The following COLEC10 variants were observed in gnomAD, a reference collection of about 807,000 sequenced individuals.
COLEC10 encodes collectin subfamily member 10.
A neutral mutation model predicts 28.4 loss-of-function variants in COLEC10; 22 were observed. That is an observed-to-expected ratio of 0.78 (90% CI 0.55 to 1.11). The LOEUF (loss-of-function observed/expected upper bound fraction) is 1.11, where lower values mean the gene tolerates loss of function less well. Ranked by LOEUF, COLEC10 falls within the 50% of genes least tolerant of loss-of-function variation. The probability of loss-of-function intolerance (pLI) is 0.00; values close to 1 mark genes in which losing one functional copy is unlikely to be tolerated. For synonymous variants in COLEC10, 125 were observed against 116.1 expected, an observed-to-expected ratio of 1.08 and a Z score of -0.49; for missense variants, 361 against 344.1, an observed-to-expected ratio of 1.05 and a Z score of -0.39.
At chr8:119,065,855 CA>C (rs3083298), upstream of COLEC10, among the ~76,000 whole-genome samples, 74 of 137,472 alleles carry the variant, frequency 5.4e-4, no homozygotes, top group Admixed American at 5.1e-4. Flanking sequence ...GACTCCATCT[CA>C]AAAAAAAAAA....
rs1046998346 is a variant in COLEC10, at chr8:119,057,860, A to T, written n.236-31820A>T. The stretch of plus-strand genomic sequence containing the variant: ...AGAACTTGCCTCCAGCTCCATTAGG[A>T]CCAGAAAAGGATATTGATTTCTTAA... On this transcript the variant is annotated intron_variant and non_coding_transcript_variant, in intron 2 of 6. Coordinates refer to the COLEC10 transcript ENST00000521788. 2.0e-5 allele frequency among the ~76,000 whole-genome samples: 3 copies of T among 152,188 alleles called. No individual in the cohort carries two copies. The East Asian group carries it at 5.8e-4, about 29-fold the overall frequency.
At chr8:119,093,728 T>A (rs1009741608) in intron 3 of COLEC10, among the ~76,000 whole-genome samples, 3 of 152,192 alleles carry the variant, frequency 2.0e-5, no homozygotes, top group Non-Finnish European at 4.4e-5. Flanking sequence ...TCCCCATGAA[T>A]TTTTAATACC....
chr8:118,981,921 T>C, the COLEC10 span, among the ~76,000 whole-genome samples: 1 of 152,110 alleles, frequency 6.6e-6, no homozygotes, highest in Non-Finnish European at 1.5e-5. Context: ...ATGAAGGGTT[T>C]GTGCCAGCTG....
At chr8:118,998,208 G>C (rs1394097585) in intron 1 of COLEC10, among the ~76,000 whole-genome samples, 1 of 151,992 alleles carries the variant, frequency 6.6e-6, no homozygotes, top group African/African-American at 2.4e-5. Flanking sequence ...AAATTGGTGT[G>C]AATTTAGAAG....
At chr8:119,086,790 T>C (rs905110986) in intron 1 of COLEC10, among the ~76,000 whole-genome samples, 1 of 152,204 alleles carries the variant, frequency 6.6e-6, no homozygotes, top group African/African-American at 2.4e-5. Context: ...TATATGCTTG[T>C]TTTTATCTTG....
At chr8:119,019,722 C>T (rs1814059395) in intron 2 of COLEC10, among the ~76,000 whole-genome samples, 2 of 152,116 alleles carry the variant, frequency 1.3e-5, no homozygotes, top group South Asian at 2.1e-4. Flanking sequence ...AATGCATGCC[C>T]TTCTCACGAC....
At chr8:119,078,214 C>A (rs918999925) in intron 1 of COLEC10, among the ~76,000 whole-genome samples, 1 of 152,188 alleles carries the variant, frequency 6.6e-6, no homozygotes, top group Admixed American at 6.5e-5. Flanking sequence ...CATCTGCTAA[C>A]CTAATTTTAA....
At chr8:119,021,422 C>T (rs1301806601) in intron 2 of COLEC10, among the ~76,000 whole-genome samples, 2 of 152,160 alleles carry the variant, frequency 1.3e-5, no homozygotes, top group Non-Finnish European at 2.9e-5. Flanking sequence ...AAGACAGGGA[C>T]TGTCTCATGC....
intron 1 of COLEC10, among the ~76,000 whole-genome samples, chr8:119,001,914 G>A (rs1813709322): frequency 6.6e-6 from 1 of 152,128 alleles, no homozygotes; most frequent in Admixed American, 6.6e-5. Context: ...CTGACTAGCT[G>A]AGCTTTGGCA....
chr8:119,096,704 C>T (rs1815725745), intron 3 of COLEC10, among the ~76,000 whole-genome samples: 2 of 152,038 alleles, frequency 1.3e-5, no homozygotes, highest in African/African-American at 4.8e-5. Context: ...CAATAAAGGG[C>T]TTACATGTAA....
At chr8:118,955,784 A>T in the COLEC10 span, among the ~76,000 whole-genome samples, 1 of 152,186 alleles carries the variant, frequency 6.6e-6, no homozygotes, top group East Asian at 1.9e-4. Context: ...GAAATATTCC[A>T]GTACGGTTGC....
intron 2 of COLEC10, among the ~76,000 whole-genome samples, chr8:119,019,905 T>A (rs754968020): frequency 2.6e-5 from 4 of 152,198 alleles, no homozygotes; most frequent in African/African-American, 4.8e-5. Context: ...TCTGGCTTCA[T>A]GAAAGTAACA....
intron 2 of COLEC10, among the ~76,000 whole-genome samples, chr8:119,012,816 C>G (rs1164124549): frequency 1.3e-5 from 2 of 150,084 alleles, no homozygotes; most frequent in Non-Finnish European, 3.0e-5. Flanking sequence ...AGTGATGTTC[C>G]TTTTTCATTT....
chr8:119,000,972 G>T (rs1347200098), intron 1 of COLEC10, among the ~76,000 whole-genome samples: 1 of 152,142 alleles, frequency 6.6e-6, no homozygotes, highest in Admixed American at 6.5e-5. Flanking sequence ...TCACTTAGGA[G>T]AAAAGGTATT....
rs142074258 is a variant in COLEC10, at chr8:119,093,386, T to C, written c.292+2166T>C. Among the ~76,000 whole-genome samples the C allele has an allele frequency of 2.0e-5, 3 of 152,262 alleles. No homozygotes were observed. The East Asian group carries it at 5.8e-4, about 29-fold the overall frequency. On this transcript the variant is annotated intron_variant, in intron 3 of 5. Transcript: ENST00000332843. Reference sequence around the variant, plus strand: ...GCCACTGAAGAGAAATTGCTATGGGTGTCTCAGATCTGGTGGGTTATATTG... The same window carrying C: ...GCCACTGAAGAGAAATTGCTATGGGCGTCTCAGATCTGGTGGGTTATATTG...
intron 1 of COLEC10, among the ~76,000 whole-genome samples, chr8:119,075,059 G>A (rs1481347814): frequency 6.6e-6 from 1 of 152,168 alleles, no homozygotes; most frequent in Non-Finnish European, 1.5e-5. Context: ...ATGAGATTGT[G>A]TTTCCTGTTT....
intron 1 of COLEC10, among the ~76,000 whole-genome samples, chr8:118,998,396 G>C (rs1436450977): frequency 2.0e-5 from 3 of 152,042 alleles, no homozygotes; most frequent in East Asian, 1.9e-4. Context: ...GGAGTTATTT[G>C]GGACATGTAT....
chr8:119,045,596 G>A (rs1266636683), intron 2 of COLEC10, among the ~76,000 whole-genome samples: 3 of 152,280 alleles, frequency 2.0e-5, no homozygotes, highest in African/African-American at 7.2e-5. Context: ...ATCTAGGGAA[G>A]GTTGATTGTA....
At chr8:119,025,112 C>T (rs1045810685) in intron 2 of COLEC10, among the ~76,000 whole-genome samples, 2 of 152,162 alleles carry the variant, frequency 1.3e-5, no homozygotes, top group Non-Finnish European at 2.9e-5. Context: ...TGGCCTCTAG[C>T]TCAAATCTAC....
Sources: gnomAD v4.1 joint callset for allele counts (sites outside exome capture counted in the v4.1 genomes callset) on GRCh38, gnomAD v4.1.1 for gene constraint, MANE v1.5 for transcripts, NCBI Gene and HGNC (gene_info 2026-07-23, HGNC 2026-07-21) for gene names.